WDR59: variants seen among roughly 807,000 people sequenced by gnomAD.
The protein encoded by WDR59 is GATOR2 complex protein WDR59.
A neutral mutation model predicts 131.2 loss-of-function variants in WDR59; 100 were observed. That is an observed-to-expected ratio of 0.76 (90% CI 0.65 to 0.90). The LOEUF is 0.90. WDR59 is among the 40% of genes least tolerant of loss of function. The pLI is 0.00. For missense variants in WDR59, 1,203 were observed against 1,262.2 expected, an observed-to-expected ratio of 0.95 and a Z score of 0.71; for synonymous variants, 601 against 466.2, an observed-to-expected ratio of 1.29 and a Z score of -3.72.
chr16:74,966,757 T>G (rs1480929511), intron 1 of WDR59, among the ~76,000 whole-genome samples: 1 of 152,202 alleles, frequency 6.6e-6, no homozygotes, highest in Non-Finnish European at 1.5e-5. Flanking sequence ...CAGGTCACAT[T>G]CGCTCTGAAA....
In WDR59 at chr16:74,893,830, G is replaced by C. The variant is rs887682405; in HGVS notation, c.1867-18C>G. The C allele has an allele frequency of 4.3e-6, 7 of 1,613,006 alleles. No homozygotes were observed. The highest frequency in any genetic ancestry group is 5.9e-6 in the Non-Finnish European group (7 of 1,179,248). On this transcript the variant is annotated intron_variant, in intron 18 of 25. Coordinates refer to ENST00000262144, the MANE Select transcript of WDR59 (RefSeq NM_030581.4). Reference sequence around the variant, plus strand: ...CTTGATTTCTAGGGGTAGATGACAGGATGTAACTAATGGGGACTTTGACAA... The same window carrying C: ...CTTGATTTCTAGGGGTAGATGACAGCATGTAACTAATGGGGACTTTGACAA...
chr16:74,874,147 C>G lies in WDR59; in HGVS notation c.*62G>C, dbSNP rs1341751706. On this transcript the variant is annotated 3_prime_UTR_variant, in exon 26 of 26. Transcript: ENST00000262144. ...GTTCTGGAGCCTCTCCCCTGACAGACAGCTTGTCACCGGCACTTATGGGTC... is the reference window on the plus strand; with the variant it reads ...GTTCTGGAGCCTCTCCCCTGACAGAGAGCTTGTCACCGGCACTTATGGGTC... The G allele has an allele frequency of 2.8e-6, 4 of 1,415,878 alleles. No homozygotes were observed. Among genetic ancestry groups the G allele is most frequent in the East Asian group, 2.4e-5 (1 of 41,094 alleles). The allele number at this position is 1,415,878 out of a possible 1,614,324, so 87.7% of individuals were successfully genotyped here.
chr16:74,878,793 T>A lies in WDR59; in HGVS notation c.2690-4349A>T, dbSNP rs992997883. ...CCTCAGTGTCCAAAATATTTTAGTG[T>A]TGGGGAATCACTGACTGAATCCTTA... On this transcript the variant is annotated intron_variant, in intron 25 of 25. Transcript: ENST00000262144. 5.3e-5 allele frequency among the ~76,000 whole-genome samples: 8 copies of A among 152,268 alleles called. No homozygotes were observed. In the South Asian group the frequency reaches 1.7e-3, roughly 31 times the overall value.
intron 7 of WDR59, among the ~76,000 whole-genome samples, chr16:74,940,867 A>G (rs1176425772): frequency 6.6e-6 from 1 of 151,780 alleles, no homozygotes; most frequent in Non-Finnish European, 1.5e-5. Flanking sequence ...CATCACGCCC[A>G]GCTAAATTTT....
At chr16:74,903,687 G>A (rs1054985219) in intron 18 of WDR59, among the ~76,000 whole-genome samples, 6 of 53,782 alleles carry the variant, frequency 1.1e-4, no homozygotes, top group Admixed American at 8.4e-4. Flanking sequence ...TGGAGATTAC[G>A]AGTGGAGATT....
chr16:74,909,467 C>T (rs770449312), intron 16 of WDR59, 34 bp downstream of exon 16: 49 of 1,508,608 alleles, frequency 3.2e-5, no homozygotes, highest in Non-Finnish European at 3.7e-5. Context: ...TGCTCCCTCT[C>T]GAAATCTAGA....
chr16:74,977,194 A>C (rs2034219364), intron 1 of WDR59, among the ~76,000 whole-genome samples: 1 of 152,024 alleles, frequency 6.6e-6, no homozygotes, highest in Non-Finnish European at 1.5e-5. Flanking sequence ...CATGATCGTG[A>C]CTGTGAATAG....
At chr16:74,897,167 A>G (rs372131518) in intron 18 of WDR59, among the ~76,000 whole-genome samples, 28 of 152,262 alleles carry the variant, frequency 1.8e-4, no homozygotes, top group African/African-American at 6.7e-4. Flanking sequence ...TCACTTCTTT[A>G]GTCACTTTCT....
At chr16:74,950,871 C>A (rs2032952997) in intron 4 of WDR59, among the ~76,000 whole-genome samples, 1 of 151,770 alleles carries the variant, frequency 6.6e-6, no homozygotes, top group African/African-American at 2.4e-5. Flanking sequence ...AAAATCAGCT[C>A]TAGGCCAGGC....
At chr16:74,939,545 A>C (rs1253312799) in intron 7 of WDR59, among the ~76,000 whole-genome samples, 4 of 141,982 alleles carry the variant, frequency 2.8e-5, no homozygotes, top group African/African-American at 1.0e-4. Flanking sequence ...AACTAAGTTT[A>C]AAAAAAAAAA....
At chr16:74,959,483 T>A in intron 2 of WDR59, 1 of 442,916 alleles carries the variant, frequency 2.3e-6, no homozygotes, top group South Asian at 1.6e-5. Context: ...AAAGCCTTCA[T>A]GGTTGGAAGC....
Position 74,912,193 on chromosome 16 carries a change from C to T in WDR59, c.1389+5G>A. 1 of 1,614,112 alleles carries T rather than the reference C, an allele frequency of 6.2e-7. No homozygotes were observed. The highest frequency in any genetic ancestry group is 8.5e-7 in the Non-Finnish European group (1 of 1,180,020). On this transcript the variant is annotated splice_donor_5th_base_variant and intron_variant, in intron 14 of 25. Coordinates refer to ENST00000262144, the MANE Select transcript of WDR59 (RefSeq NM_030581.4). ...CAAGGAGAATTTGGGAACCCAGACC[C>T]CCACCTTCAGCAGCTTAGCTTTCAT... is the stretch of plus-strand genomic sequence containing the variant.
intron 7 of WDR59, among the ~76,000 whole-genome samples, chr16:74,939,863 G>A (rs2032080058): frequency 6.6e-6 from 1 of 152,048 alleles, no homozygotes. Context: ...TCATAGTGGT[G>A]CATACCTGCA....
intron 6 of WDR59, among the ~76,000 whole-genome samples, chr16:74,944,768 G>T (rs368960835): frequency 6.6e-6 from 1 of 152,060 alleles, no homozygotes; most frequent in East Asian, 1.9e-4. Context: ...AAGGAAAGAA[G>T]TCTTCTACTT....
At chr16:74,949,307 G>T (rs2032840774) in intron 5 of WDR59, among the ~76,000 whole-genome samples, 1 of 144,764 alleles carries the variant, frequency 6.9e-6, no homozygotes, top group Non-Finnish European at 1.5e-5. Context: ...CTGCAGACTG[G>T]GTGACAGAGT....
chr16:74,959,867 A>T (rs3921019), intron 2 of WDR59, among the ~76,000 whole-genome samples: 1 of 149,878 alleles, frequency 6.7e-6, no homozygotes, highest in South Asian at 2.1e-4. Context: ...AGAAAAGAAG[A>T]AATTCAAAGG....
intron 8 of WDR59, among the ~76,000 whole-genome samples, chr16:74,927,729 T>C (rs978114479): frequency 3.5e-5 from 5 of 143,472 alleles, no homozygotes; most frequent in Non-Finnish European, 7.6e-5. Flanking sequence ...AAACTCAGCT[T>C]TCTCATTTTC....
At chr16:74,965,695 G>A in intron 2 of WDR59, 78 bp downstream of exon 2, 1 of 1,531,332 alleles carries the variant, frequency 6.5e-7, no homozygotes, top group African/African-American at 1.4e-5. Flanking sequence ...TATAAGAATA[G>A]CTTCCAAGTT....
At chr16:74,886,928 C>T (rs996994952) in intron 23 of WDR59, among the ~76,000 whole-genome samples, 2 of 151,760 alleles carry the variant, frequency 1.3e-5, no homozygotes, top group African/African-American at 4.8e-5. Flanking sequence ...TCTCAAAAAA[C>T]TAAAAAAAAT....
Sources: allele counts gnomAD v4.1 joint callset (sites outside exome capture counted in the v4.1 genomes callset), GRCh38; gene constraint gnomAD v4.1.1; transcripts MANE v1.5; gene names NCBI Gene and HGNC (gene_info 2026-07-23, HGNC 2026-07-21).